The following SLC30A6 variants were observed in gnomAD, a reference collection of about 807,000 sequenced individuals.
SLC30A6 encodes solute carrier family 30 member 6, also known as zinc transporter 6.
Under a neutral mutation model 63.0 loss-of-function variants are expected in SLC30A6, and 55 were observed. The observed-to-expected ratio is 0.87, with a 90% CI of 0.70 to 1.09. The LOEUF (loss-of-function observed/expected upper bound fraction) is 1.09, where lower values mean the gene tolerates loss of function less well. Among genes scored for constraint, SLC30A6 ranks in the 50% least tolerant of loss-of-function variants. The pLI, the probability that SLC30A6 is intolerant of heterozygous loss-of-function variation, is 0.00. For missense variants in SLC30A6, 587 were observed against 549.2 expected (o/e 1.07, Z -0.69); for synonymous variants, 224 against 186.1 (o/e 1.20, Z -1.66).
At chr2:32,215,893 A>G (rs115049247) in intron 13 of SLC30A6, among the ~76,000 whole-genome samples, 20 of 151,886 alleles carry the variant, frequency 1.3e-4, no homozygotes, top group African/African-American at 4.1e-4. Context: ...GAGTCTTGCT[A>G]TGTGGTCCAG....
At chr2:32,194,701 AGAG>A (rs1683622847) in intron 8 of SLC30A6, among the ~76,000 whole-genome samples, 1 of 152,214 alleles carries the variant, frequency 6.6e-6, no homozygotes, top group Non-Finnish European at 1.5e-5. Context: ...AGGATAGTCA[AGAG>A]AAGAAAGTTT....
At chr2:32,205,418 T>C (rs1040631716) in intron 11 of SLC30A6, among the ~76,000 whole-genome samples, 20 of 152,110 alleles carry the variant, frequency 1.3e-4, no homozygotes, top group Admixed American at 7.9e-4. Flanking sequence ...AGACTCCATC[T>C]CAAAAAAACA....
intron 10 of SLC30A6, chr2:32,202,064 A>C: frequency 5.7e-6 from 5 of 878,216 alleles, no homozygotes; most frequent in Non-Finnish European, 8.8e-6. Context: ...AGTTCTACTC[A>C]TGAATCAAGT....
chr2:32,185,290 T>C (rs1161182370), intron 5 of SLC30A6, among the ~76,000 whole-genome samples: 2 of 151,314 alleles, frequency 1.3e-5, no homozygotes, highest in Non-Finnish European at 2.9e-5. Context: ...AAGCCAGGAG[T>C]TTGAGGCTGC....
chr2:32,165,893 T>C lies in SLC30A6; in HGVS notation c.-8T>C, dbSNP rs769329490. 5 of 1,614,016 alleles carry C rather than the reference T, an allele frequency of 3.1e-6. No individual in the cohort carries two copies. The highest frequency in any genetic ancestry group is 1.3e-5 in the African/African-American group (1 of 74,916). On this transcript the variant is annotated 5_prime_UTR_variant, in exon 1 of 14. Coordinates refer to ENST00000282587, the MANE Select transcript of SLC30A6 (RefSeq NM_017964.5). ...CGGCTTCCGGCGGGAGCTGTGCAGC[T>C]CCTTATCATGGTGAGTTGGCTGTTG... is the stretch of plus-strand genomic sequence containing the variant.
At chr2:32,212,893 C>A (rs112556774) in intron 13 of SLC30A6, among the ~76,000 whole-genome samples, 1,855 of 92,894 alleles carry the variant, frequency 0.02, 51 homozygotes, top group African/African-American at 0.075. Flanking sequence ...CTGTGTCCAG[C>A]ATTTTTTTTT....
intron 4 of SLC30A6, among the ~76,000 whole-genome samples, chr2:32,182,469 A>G (rs201577737): frequency 6.6e-6 from 1 of 152,188 alleles, no homozygotes; most frequent in Non-Finnish European, 1.5e-5. Flanking sequence ...GATTGCAGCC[A>G]TCAGACTTCC....
intron 13 of SLC30A6, among the ~76,000 whole-genome samples, chr2:32,210,631 T>C (rs1245051115): frequency 1.3e-5 from 2 of 151,948 alleles, no homozygotes; most frequent in Non-Finnish European, 2.9e-5. Flanking sequence ...AATACTCTTC[T>C]ACAGTATCAT....
chr2:32,215,743 C>T (rs996211305), intron 13 of SLC30A6, among the ~76,000 whole-genome samples: 2 of 151,916 alleles, frequency 1.3e-5, no homozygotes, highest in Non-Finnish European at 2.9e-5. Context: ...CTTGCTCTGT[C>T]ACCCAGGCTA....
At chr2:32,204,405 G>A (rs1009772022) in intron 10 of SLC30A6, among the ~76,000 whole-genome samples, 185 bp from the exon 11 acceptor site, 4 of 152,022 alleles carry the variant, frequency 2.6e-5, no homozygotes, top group African/African-American at 7.2e-5. Context: ...ACTTTGAAAG[G>A]AAAGAATTCT....
intron 4 of SLC30A6, among the ~76,000 whole-genome samples, chr2:32,182,323 C>T (rs1273742165): frequency 6.6e-6 from 1 of 152,170 alleles, no homozygotes; most frequent in Non-Finnish European, 1.5e-5. Context: ...CAAAACCAAC[C>T]TAGATTATTT....
intron 11 of SLC30A6, among the ~76,000 whole-genome samples, chr2:32,205,535 C>G (rs1188879108): frequency 1.3e-5 from 2 of 151,970 alleles, no homozygotes; most frequent in Non-Finnish European, 2.9e-5. Context: ...CTCTGACATT[C>G]ATATAGTCAG....
At chr2:32,175,971 C>CA (rs1476432080) in intron 4 of SLC30A6, among the ~76,000 whole-genome samples, 6 of 151,766 alleles carry the variant, frequency 4.0e-5, no homozygotes, top group Non-Finnish European at 8.8e-5. Flanking sequence ...AACTCAGTCT[C>CA]AAAAAACAAA....
At chr2:32,178,615 A>G (rs1270326177) in intron 4 of SLC30A6, among the ~76,000 whole-genome samples, 1 of 152,186 alleles carries the variant, frequency 6.6e-6, no homozygotes, top group Non-Finnish European at 1.5e-5. Context: ...CAGAGATTGC[A>G]GTAAGTGAGC....
chr2:32,198,918 C>T (rs1376513193), intron 10 of SLC30A6, among the ~76,000 whole-genome samples: 1 of 152,114 alleles, frequency 6.6e-6, no homozygotes, highest in Non-Finnish European at 1.5e-5. Context: ...GCAGCCATTA[C>T]CACCATCCAT....
intron 6 of SLC30A6, 142 bp from the exon 7 acceptor site, chr2:32,192,776 C>A (rs116366987): frequency 5.7e-6 from 3 of 523,180 alleles, no homozygotes; most frequent in Non-Finnish European, 1.0e-5. Flanking sequence ...TTATGAGTCT[C>A]CTTGCCTCAT....
At chr2:32,189,860 G>A (rs986592973) in intron 5 of SLC30A6, among the ~76,000 whole-genome samples, 3 of 151,820 alleles carry the variant, frequency 2.0e-5, no homozygotes, top group South Asian at 2.1e-4. Flanking sequence ...CCCACACCCC[G>A]AGTAGCTGAA....
chr2:32,174,410 C>G (rs1241900948), intron 3 of SLC30A6, among the ~76,000 whole-genome samples: 1 of 151,906 alleles, frequency 6.6e-6, no homozygotes, highest in Non-Finnish European at 1.5e-5. Context: ...CCAGGCTGGT[C>G]TCAAAATCCT....
chr2:32,213,296 A>G (rs984062297), intron 13 of SLC30A6, among the ~76,000 whole-genome samples: 5 of 127,554 alleles, frequency 3.9e-5, no homozygotes, highest in South Asian at 2.5e-4. Flanking sequence ...TCTTTTTGAT[A>G]TGGAGCTTTT....
Sources: gnomAD v4.1 joint callset for allele counts (sites outside exome capture counted in the v4.1 genomes callset) on GRCh38, gnomAD v4.1.1 for gene constraint, MANE v1.5 for transcripts, NCBI Gene and HGNC (gene_info 2026-07-23, HGNC 2026-07-21) for gene names.